Variants in GAPVD1 observed in about 807,000 individuals in gnomAD.
GAPVD1 encodes the protein GTPase-activating protein and VPS9 domain-containing protein 1.
GAPVD1 carries 35 observed loss-of-function variants against 155.5 expected under a neutral mutation model. The observed-to-expected ratio is 0.23, with a 90% CI of 0.17 to 0.30. The LOEUF is 0.30. Among genes scored for constraint, GAPVD1 ranks in the 10% least tolerant of loss-of-function variants. The pLI, the probability that GAPVD1 is intolerant of heterozygous loss-of-function variation, is 1.00. For synonymous variants in GAPVD1, 636 were observed against 619.7 expected (o/e 1.03, Z -0.39); for missense variants, 1,429 against 1,775.7 (o/e 0.80, Z 3.51).
Position 125,302,086 on chromosome 9 carries a change from G to A in GAPVD1, c.289G>A (p.Gly97Arg), listed in dbSNP as rs1220907605. The A allele has an allele frequency of 1.6e-5, 26 of 1,613,246 alleles. No individual in the cohort carries two copies. Among genetic ancestry groups the A allele is most frequent in the Non-Finnish European group, 2.1e-5 (25 of 1,179,660 alleles). The change falls in exon 5 of 28, where the codon GGA becomes AGA. Residue 97 changes from glycine (G) to arginine (R), a missense_variant. Coordinates refer to ENST00000297933, the MANE Select transcript of GAPVD1 (RefSeq NM_001282680.3). Reference protein sequence around the residue: ...KQLGFQETAYGEFLSRLRENP... With the variant: ...KQLGFQETAYREFLSRLRENP... Reference sequence around the variant, plus strand: ...ATTGGGATTTCAGGAGACTGCTTATGGAGAATTCTTGAGTCGATTGAGGGA... The same window carrying A: ...ATTGGGATTTCAGGAGACTGCTTATAGAGAATTCTTGAGTCGATTGAGGGA...
chr9:125,362,607 C>A lies in GAPVD1; in HGVS notation c.4244C>A (p.Ala1415Glu). Residue 1415 changes from alanine to glutamate, a missense_variant and splice_region_variant, in exon 28 of 28, where the codon GCA (alanine) becomes GAA (glutamate). This residue lies in a region of GAPVD1 where 102 missense variants were observed against 196.5 expected (regional missense o/e 0.52). Transcript: ENST00000297933. The stretch of plus-strand genomic sequence containing the variant: ...CTTTTTTATTTTTCACTTCTCTAGG[C>A]AAATCCACCCTGTTTGCTGTCTACT... ...VPVLVFVLIK[A>E]NPPCLLSTVQ... 4 of 1,593,912 alleles carry A rather than the reference C, an allele frequency of 2.5e-6. No homozygotes were observed. The highest frequency in any genetic ancestry group is 3.4e-6 in the Non-Finnish European group (4 of 1,170,998).
intron 2 of GAPVD1, among the ~76,000 whole-genome samples, chr9:125,285,085 G>A (rs1837428478): frequency 1.3e-5 from 2 of 152,180 alleles, no homozygotes; most frequent in Admixed American, 1.3e-4. Context: ...TCTGTGAAGG[G>A]CTAGATAGCA....
intron 2 of GAPVD1, among the ~76,000 whole-genome samples, chr9:125,276,529 AAATAC>A (rs1210365791): frequency 1.3e-5 from 2 of 152,082 alleles, no homozygotes; most frequent in East Asian, 3.9e-4. Context: ...TCTCTACAAA[AAATAC>A]AAAAATTAGC....
chr9:125,330,430 C>T (rs772839588), intron 13 of GAPVD1, among the ~76,000 whole-genome samples: 9 of 151,396 alleles, frequency 5.9e-5, no homozygotes, highest in East Asian at 1.9e-4. Context: ...GCAGTCTTCT[C>T]GCCTCAGCCT....
At chr9:125,361,763 A>T (rs1280181131) in intron 27 of GAPVD1, among the ~76,000 whole-genome samples, 1 of 152,116 alleles carries the variant, frequency 6.6e-6, no homozygotes, top group African/African-American at 2.4e-5. Context: ...CTTTAAAATT[A>T]AAGTTTCATC....
intron 2 of GAPVD1, among the ~76,000 whole-genome samples, chr9:125,293,876 A>ATATATATAAATATATTT (rs1839304081): frequency 5.5e-5 from 1 of 18,218 alleles, no homozygotes; most frequent in African/African-American, 2.7e-4. Context: ...ATATATATAT[A>ATATATATAAATATATTT]TATATATATA....
Position 125,265,039 on chromosome 9 carries a change from C to G in GAPVD1, c.-199+3080C>G, listed in dbSNP as rs79024392. On this transcript the variant is annotated intron_variant, in intron 1 of 27. Coordinates refer to ENST00000297933, the MANE Select transcript of GAPVD1 (RefSeq NM_001282680.3). ...TGGCCATCTTACATTTTTTAAAAGA[C>G]AAAAAATTATTTCCCAGCACTATGT... is the stretch of plus-strand genomic sequence containing the variant. 4.9e-3 allele frequency among the ~76,000 whole-genome samples: 751 copies of G among 152,116 alleles called. 10 individuals are homozygous for G. The highest frequency in any genetic ancestry group is 0.017 in the African/African-American group (705 of 41,516).
rs116776030 is a variant in GAPVD1, at chr9:125,333,031, A to T, written c.2428+402A>T. On this transcript the variant is annotated intron_variant, in intron 15 of 27. Transcript: ENST00000297933. ...CTTAGAGAAAAAACTAGAACATACT[A>T]CATGGAATTTATTTTGTAGAACTTT... is the stretch of plus-strand genomic sequence containing the variant. Among the ~76,000 whole-genome samples the T allele has an allele frequency of 6.4e-3, 978 of 152,324 alleles. 5 individuals are homozygous for T. Among genetic ancestry groups the T allele is most frequent in the African/African-American group, 0.022 (925 of 41,566 alleles).
chr9:125,325,200 G>A (rs1182786212), intron 11 of GAPVD1, among the ~76,000 whole-genome samples: 1 of 151,612 alleles, frequency 6.6e-6, no homozygotes, highest in Non-Finnish European at 1.5e-5. Context: ...ACTCTAGCCT[G>A]GGCGACAGAG....
At chr9:125,336,926 A>G in intron 15 of GAPVD1, 92 bp from the exon 16 acceptor site, 1 of 703,784 alleles carries the variant, frequency 1.4e-6, no homozygotes, top group Non-Finnish European at 2.5e-6. Context: ...TCAAAAAAGG[A>G]ACCGTCAAAG....
chr9:125,356,035 G>C (rs1464301455), intron 25 of GAPVD1, among the ~76,000 whole-genome samples, 178 bp downstream of exon 25: 1 of 152,190 alleles, frequency 6.6e-6, no homozygotes, highest in Non-Finnish European at 1.5e-5. Flanking sequence ...AGTTTTCAGG[G>C]ATGTGGGCAG....
At chr9:125,339,717 A>C (rs2132056987) in intron 17 of GAPVD1, among the ~76,000 whole-genome samples, 1 of 152,316 alleles carries the variant, frequency 6.6e-6, no homozygotes, top group East Asian at 1.9e-4. Context: ...GTCCAAACAC[A>C]ACAGAGTTTG....
chr9:125,347,694 C>G (rs1186322014), intron 20 of GAPVD1, among the ~76,000 whole-genome samples: 1 of 148,746 alleles, frequency 6.7e-6, no homozygotes, highest in Non-Finnish European at 1.5e-5. Context: ...GCACTCCAGT[C>G]TGGGCAAAAG....
intron 9 of GAPVD1, among the ~76,000 whole-genome samples, chr9:125,316,797 G>C (rs1843490600): frequency 6.6e-6 from 1 of 152,178 alleles, no homozygotes; most frequent in African/African-American, 2.4e-5. Flanking sequence ...TCTGGTTCTA[G>C]ATCCTTGAGG....
At chr9:125,358,162 A>G (rs923027656) in intron 25 of GAPVD1, among the ~76,000 whole-genome samples, 4 of 151,884 alleles carry the variant, frequency 2.6e-5, no homozygotes, top group African/African-American at 9.7e-5. Context: ...CTGGAGTGCA[A>G]TGGCGCAATC....
At chr9:125,310,079 C>A in intron 8 of GAPVD1, 2 of 284,988 alleles carry the variant, frequency 7.0e-6, no homozygotes, top group South Asian at 3.2e-5. Context: ...AAGTATGCTC[C>A]ATGTGCATGT....
chr9:125,317,363 C>T (rs1370707663), intron 9 of GAPVD1, among the ~76,000 whole-genome samples: 10 of 150,216 alleles, frequency 6.7e-5, no homozygotes, highest in Non-Finnish European at 1.2e-4. Flanking sequence ...CGGTGGCTCA[C>T]GCCTGTAATC....
At chr9:125,309,660 T>C (rs898169751) in intron 8 of GAPVD1, among the ~76,000 whole-genome samples, 6 of 152,226 alleles carry the variant, frequency 3.9e-5, no homozygotes, top group Non-Finnish European at 5.9e-5. Context: ...GTGGGCTATT[T>C]GCACTCTGTT....
At chr9:125,280,327 C>T (rs1212452544) in intron 2 of GAPVD1, among the ~76,000 whole-genome samples, 5 of 124,824 alleles carry the variant, frequency 4.0e-5, no homozygotes, top group Non-Finnish European at 7.9e-5. Context: ...ACCCAGGAGG[C>T]GGAGGTTGTG....
Sources: allele counts gnomAD v4.1 joint callset (sites outside exome capture counted in the v4.1 genomes callset), GRCh38; gene constraint gnomAD v4.1.1; regional missense constraint gnomAD v4.1.1; transcripts MANE v1.5; gene names NCBI Gene and HGNC (gene_info 2026-07-23, HGNC 2026-07-21).